Variants in FBXO11 observed in about 807,000 individuals in gnomAD.
FBXO11 encodes the protein F-box protein 11.
In FBXO11, 13 loss-of-function variants were observed where a neutral mutation model predicts 117.0. The ratio of observed to expected loss-of-function variants is 0.11; its 90% CI spans 0.07 to 0.18. The LOEUF (loss-of-function observed/expected upper bound fraction) is 0.18. Ranked by LOEUF, FBXO11 falls within the 10% of genes least tolerant of loss-of-function variation. The pLI, the probability that FBXO11 is intolerant of heterozygous loss-of-function variation, is 1.00. For synonymous variants in FBXO11, 490 were observed against 380.5 expected (o/e 1.29, Z -3.35); for missense variants, 767 against 1,164.4 (o/e 0.66, Z 4.97).
chr2:47,839,101 T>A (rs1271979430), intron 3 of FBXO11, 98 bp from the exon 4 acceptor site: 71 of 1,271,744 alleles, frequency 5.6e-5, no homozygotes, highest in Admixed American at 1.0e-4. Context: ...AGCTTTTTTT[T>A]TTTGGATAAT....
At chr2:47,874,160 G>C (rs987998696) in intron 1 of FBXO11, among the ~76,000 whole-genome samples, 2 of 152,254 alleles carry the variant, frequency 1.3e-5, no homozygotes, top group East Asian at 3.9e-4. Flanking sequence ...CTTGCTGTGA[G>C]CAGAGATTGC....
chr2:47,876,532 G>A (rs1022111002), intron 1 of FBXO11, among the ~76,000 whole-genome samples: 1 of 152,296 alleles, frequency 6.6e-6, no homozygotes, highest in Middle Eastern at 3.4e-3. Flanking sequence ...ATAGAATCAA[G>A]GTCAACAGTT....
Position 47,832,337 on chromosome 2 carries a change from A to C in FBXO11, c.1398+12T>G, listed in dbSNP as rs758096740. 6 of 1,503,990 alleles carry C rather than the reference A, an allele frequency of 4.0e-6. No homozygotes were observed. The highest frequency in any genetic ancestry group is 5.4e-6 in the Non-Finnish European group (6 of 1,118,376). The allele number at this position is 1,503,990 out of a possible 1,614,324, so 93.2% of individuals were successfully genotyped here. On this transcript the variant is annotated intron_variant, in intron 11 of 22. Transcript: ENST00000403359. ...AGAAGTCCGTTTTTCTATTAAAAAT[A>C]AGTGTTCTTACCATGCCATGATCAA... is the stretch of plus-strand genomic sequence containing the variant.
intron 19 of FBXO11, 99 bp from the exon 20 acceptor site, chr2:47,809,806 T>A (rs1025657543): frequency 2.9e-5 from 21 of 725,314 alleles, no homozygotes; most frequent in Non-Finnish European, 4.9e-5. Flanking sequence ...TTTATAGAAG[T>A]ACATTAACCC....
intron 1 of FBXO11, among the ~76,000 whole-genome samples, chr2:47,892,320 A>G (rs1000356730): frequency 6.6e-6 from 1 of 152,200 alleles, no homozygotes; most frequent in Non-Finnish European, 1.5e-5. Context: ...TTTCACCAAA[A>G]ATTTTTAGAT....
At chr2:47,844,508 T>G (rs1163462607) in intron 1 of FBXO11, among the ~76,000 whole-genome samples, 3 of 150,944 alleles carry the variant, frequency 2.0e-5, no homozygotes, top group Non-Finnish European at 4.4e-5. Flanking sequence ...AAAAGCCCCC[T>G]GTGCTATATA....
chr2:47,876,707 T>C (rs916949357), intron 1 of FBXO11, among the ~76,000 whole-genome samples: 2 of 152,330 alleles, frequency 1.3e-5, no homozygotes, highest in South Asian at 4.1e-4. Flanking sequence ...CTTTTGAGCA[T>C]CTAGAAGATT....
chr2:47,862,207 G>C (rs1476858769), intron 1 of FBXO11, among the ~76,000 whole-genome samples: 2 of 152,172 alleles, frequency 1.3e-5, no homozygotes, highest in African/African-American at 2.4e-5. Context: ...ACAGGTGTGA[G>C]CCATCGTGCC....
At chr2:47,880,156 C>T (rs1458209533) in intron 1 of FBXO11, among the ~76,000 whole-genome samples, 1 of 152,042 alleles carries the variant, frequency 6.6e-6, no homozygotes, top group Non-Finnish European at 1.5e-5. Flanking sequence ...CCATCATGTC[C>T]AGCTAATTTT....
chr2:47,856,242 T>C (rs919951640), intron 1 of FBXO11, among the ~76,000 whole-genome samples: 3 of 152,102 alleles, frequency 2.0e-5, no homozygotes, highest in Non-Finnish European at 4.4e-5. Flanking sequence ...AGCATAAAGA[T>C]AGATTAAATA....
chr2:47,854,991 C>T (rs1292156849), intron 1 of FBXO11, among the ~76,000 whole-genome samples: 1 of 151,504 alleles, frequency 6.6e-6, no homozygotes, highest in Non-Finnish European at 1.5e-5. Flanking sequence ...CCTTCAATAT[C>T]AGCAATAAAT....
At chr2:47,855,266 T>C (rs1674196560) in intron 1 of FBXO11, among the ~76,000 whole-genome samples, 1 of 151,718 alleles carries the variant, frequency 6.6e-6, no homozygotes, top group Non-Finnish European at 1.5e-5. Context: ...AGTGGCATGA[T>C]CACAGCTCAC....
At chr2:47,828,572 G>A (rs1470241122) in intron 11 of FBXO11, among the ~76,000 whole-genome samples, 4 of 150,650 alleles carry the variant, frequency 2.7e-5, no homozygotes, top group Non-Finnish European at 5.9e-5. Flanking sequence ...TTGCACCACT[G>A]CACTCCAGCC....
chr2:47,863,079 ACAAAAAC>A (rs1249207365), intron 1 of FBXO11, among the ~76,000 whole-genome samples: 4 of 151,498 alleles, frequency 2.6e-5, no homozygotes, highest in Non-Finnish European at 4.4e-5. Flanking sequence ...AAACAAAAAA[ACAAAAAC>A]AAAACAAAAA....
rs1553362453 is a variant in FBXO11, at chr2:47,900,897, T to TATATATACACGTATATAC, written c.232+4591_232+4592insGTATATACGTGTATATAT. Among the ~76,000 whole-genome samples, 37 of 86,384 alleles carry TATATATACACGTATATAC rather than the reference T, an allele frequency of 4.3e-4. 5 individuals carry two copies. The highest frequency in any genetic ancestry group is 1.0e-3 in the African/African-American group (28 of 27,764). The allele number at this position is 86,384 out of a possible 152,430, so 56.7% of individuals were successfully genotyped here. ...ACGTGTATATATATACACGTATATA[T>TATATATACACGTATATAC]ACACACATATATATGTATATATATA... On this transcript the variant is annotated intron_variant, in intron 1 of 22. Transcript: ENST00000403359.
intron 1 of FBXO11, chr2:47,888,780 C>G: frequency 3.0e-6 from 1 of 331,892 alleles, no homozygotes; most frequent in Non-Finnish European, 4.3e-6. Context: ...AGAACCTCAA[C>G]TGTAGCCCCT....
rs762428241 is a variant in FBXO11 at position 47,832,496 on chromosome 2, G to A, written c.1261-10C>T. 8 of 1,610,734 alleles carry A rather than the reference G, an allele frequency of 5.0e-6. No homozygotes were observed. Among genetic ancestry groups the A allele is most frequent in the Non-Finnish European group, 5.1e-6 (6 of 1,178,648 alleles). On this transcript the variant is annotated splice_polypyrimidine_tract_variant and intron_variant, in intron 10 of 22. Coordinates refer to ENST00000403359, the MANE Select transcript of FBXO11 (RefSeq NM_001190274.2). ...TATCCTCATATATTCCCTACAACAA[G>A]TTATCAGAAACAAACATCAGTAGAG...
At chr2:47,813,132 T>C (rs1307616362) in intron 18 of FBXO11, 102 bp downstream of exon 18, 1 of 1,170,668 alleles carries the variant, frequency 8.5e-7, no homozygotes, top group Non-Finnish European at 1.3e-6. Flanking sequence ...AGACTTGAGA[T>C]TCACTCATTT....
At chr2:47,840,598 G>A (rs1001269083) in intron 1 of FBXO11, among the ~76,000 whole-genome samples, 2 of 151,436 alleles carry the variant, frequency 1.3e-5, no homozygotes, top group African/African-American at 4.9e-5. Flanking sequence ...CTACAGGCAT[G>A]CACCACCACC....
Sources: allele counts gnomAD v4.1 joint callset (sites outside exome capture counted in the v4.1 genomes callset), GRCh38; gene constraint gnomAD v4.1.1; transcripts MANE v1.5; gene names NCBI Gene and HGNC (gene_info 2026-07-23, HGNC 2026-07-21).